RPRD2: variants seen among roughly 807,000 people sequenced by gnomAD.
RPRD2 encodes regulation of nuclear pre-mRNA domain-containing protein 2.
In RPRD2, 12 loss-of-function variants were observed where a neutral mutation model predicts 104.4. The ratio of observed to expected loss-of-function variants is 0.11; its 90% CI spans 0.07 to 0.19. The LOEUF (loss-of-function observed/expected upper bound fraction) is 0.19, where lower values mean the gene tolerates loss of function less well. Among genes scored for constraint, RPRD2 ranks in the 10% least tolerant of loss-of-function variants. The pLI, the probability that RPRD2 is intolerant of heterozygous loss-of-function variation, is 1.00. For synonymous variants in RPRD2, 714 were observed against 684.9 expected (o/e 1.04, Z -0.66); for missense variants, 1,543 against 1,790.1 (o/e 0.86, Z 2.49).
chr1:150,381,569 A>G (rs1283932216), intron 1 of RPRD2, among the ~76,000 whole-genome samples: 1 of 145,646 alleles, frequency 6.9e-6, no homozygotes, highest in Non-Finnish European at 1.5e-5. Context: ...CAGTGGCGTG[A>G]TCTCAGCTCA....
intron 1 of RPRD2, among the ~76,000 whole-genome samples, chr1:150,401,945 GTTTTTTTTTTTAAT>G (rs1663056412): frequency 7.3e-6 from 1 of 137,260 alleles, no homozygotes; most frequent in East Asian, 2.1e-4. Flanking sequence ...GCCCAGTGGG[GTTTTTTTTTTTAAT>G]TTTTTTTTTT....
intron 1 of RPRD2, among the ~76,000 whole-genome samples, chr1:150,404,351 A>G (rs1184039928): frequency 2.6e-5 from 4 of 151,822 alleles, no homozygotes; most frequent in African/African-American, 9.7e-5. Flanking sequence ...GGCTCAAGTG[A>G]TCCTCCCACC....
At chr1:150,448,192 G>T (rs1666923816) in intron 7 of RPRD2, among the ~76,000 whole-genome samples, 1 of 151,766 alleles carries the variant, frequency 6.6e-6, no homozygotes, top group Non-Finnish European at 1.5e-5. Context: ...TTTTGAGATG[G>T]AGTCTCGCTT....
chr1:150,371,948 A>G (rs1553878463), intron 1 of RPRD2, among the ~76,000 whole-genome samples: 1 of 152,064 alleles, frequency 6.6e-6, no homozygotes, highest in East Asian at 1.9e-4. Flanking sequence ...ACTATCTCTT[A>G]GTGATTTGAA....
At chr1:150,383,506 G>A (rs1029570329) in intron 1 of RPRD2, among the ~76,000 whole-genome samples, 4 of 151,646 alleles carry the variant, frequency 2.6e-5, no homozygotes, top group African/African-American at 7.3e-5. Flanking sequence ...TAGTACAGAC[G>A]GGGTTTTGCC....
chr1:150,450,093 A>C (rs1667051633), intron 7 of RPRD2, among the ~76,000 whole-genome samples: 1 of 152,186 alleles, frequency 6.6e-6, no homozygotes, highest in Non-Finnish European at 1.5e-5. Flanking sequence ...TCAGTTCTAG[A>C]ATTGCCACTG....
intron 1 of RPRD2, among the ~76,000 whole-genome samples, chr1:150,398,187 A>ATTTCTTTTAT (rs1553884594): frequency 1.5e-5 from 2 of 132,310 alleles, no homozygotes; most frequent in Non-Finnish European, 3.2e-5. Flanking sequence ...GTGTTTTTAT[A>ATTTCTTTTAT]TTTATTTTAT....
chr1:150,414,521 G>A (rs1664192965), intron 1 of RPRD2, among the ~76,000 whole-genome samples: 1 of 152,156 alleles, frequency 6.6e-6, no homozygotes, highest in African/African-American at 2.4e-5. Flanking sequence ...GATGATCACG[G>A]CCAGACTGGC....
intron 9 of RPRD2, among the ~76,000 whole-genome samples, chr1:150,463,392 G>A (rs1021938205): frequency 1.3e-5 from 2 of 152,092 alleles, no homozygotes; most frequent in Admixed American, 6.6e-5. Context: ...ATCCAAAAAA[G>A]TGCTATTTTA....
intron 2 of RPRD2, among the ~76,000 whole-genome samples, chr1:150,418,855 C>T (rs1477959072): frequency 6.6e-6 from 1 of 151,888 alleles, no homozygotes; most frequent in Non-Finnish European, 1.5e-5. Context: ...CTAAAAAATA[C>T]AAAAAAATTA....
At chr1:150,432,806 C>T (rs587745844) in intron 2 of RPRD2, among the ~76,000 whole-genome samples, 9 of 151,860 alleles carry the variant, frequency 5.9e-5, no homozygotes, top group African/African-American at 1.7e-4. Context: ...GGTGAGATTC[C>T]GTCTCTAAAA....
rs142691903 is a variant in RPRD2 at position 150,389,257 on chromosome 1, C to T, written c.205+24338C>T. On this transcript the variant is annotated intron_variant, in intron 1 of 10. Transcript: ENST00000369068. ...TAGCAACAGGGTTTCACCATGTTGC[C>T]CAGGCTTGTCTCAAACTCCTGAGCT... is the stretch of plus-strand genomic sequence containing the variant. Among the ~76,000 whole-genome samples, 851 of 152,110 alleles carry T rather than the reference C, an allele frequency of 5.6e-3. 5 individuals carry two copies. Among genetic ancestry groups the T allele is most frequent in the Middle Eastern group, 0.044 (13 of 294 alleles).
chr1:150,401,964 T>TAA (rs1553885520), intron 1 of RPRD2, among the ~76,000 whole-genome samples: 4 of 147,740 alleles, frequency 2.7e-5, no homozygotes, highest in African/African-American at 1.0e-4. Flanking sequence ...TTTAATTTTT[T>TAA]TTTTTTTAAT....
At chr1:150,406,682 C>T (rs368799922) in intron 1 of RPRD2, among the ~76,000 whole-genome samples, 10 of 152,114 alleles carry the variant, frequency 6.6e-5, no homozygotes, top group African/African-American at 2.4e-4. Flanking sequence ...TACAGGAATG[C>T]GCCACCACGC....
At chr1:150,441,690 A>G in intron 3 of RPRD2, 191 bp from the exon 4 acceptor site, 2 of 455,580 alleles carry the variant, frequency 4.4e-6, no homozygotes, top group Middle Eastern at 5.6e-4. Flanking sequence ...GATGATAAAA[A>G]TCGTGTTTAT....
Position 150,444,329 on chromosome 1 carries a change from A to C in RPRD2, c.646A>C (p.Thr216Pro). 6.2e-7 allele frequency: 1 copy of C among 1,613,936 alleles called. No individual in the cohort carries two copies. The highest frequency in any genetic ancestry group is 8.5e-7 in the Non-Finnish European group (1 of 1,179,834). ...AGAACTGAAGGAAAAGCAGTTGTCA[A>C]CTATGAGGGTGGATGTGTGCAGCAC... ...QIELKEKQLS[T>P]MRVDVCSTET... The change falls in exon 6 of 11, where the codon ACT becomes CCT. Residue 216 changes from threonine to proline, a missense_variant. This residue lies in a region of RPRD2 where 572 missense variants were observed against 787.3 expected (regional missense o/e 0.73). Coordinates refer to ENST00000369068, the MANE Select transcript of RPRD2 (RefSeq NM_015203.5).
At chr1:150,449,057 G>A (rs1412103906) in intron 7 of RPRD2, among the ~76,000 whole-genome samples, 1 of 152,150 alleles carries the variant, frequency 6.6e-6, no homozygotes, top group Non-Finnish European at 1.5e-5. Context: ...TTGAGGCCAG[G>A]AGTTCAAGAT....
intron 2 of RPRD2, among the ~76,000 whole-genome samples, chr1:150,436,130 GAAA>G (rs587754906): frequency 7.7e-6 from 1 of 129,654 alleles, no homozygotes; most frequent in African/African-American, 2.9e-5. Context: ...CTTGTTCAGG[GAAA>G]AAAAAAAAAA....
chr1:150,375,775 T>C (rs777280641), intron 1 of RPRD2, among the ~76,000 whole-genome samples: 220 of 152,316 alleles, frequency 1.4e-3, no homozygotes, highest in Non-Finnish European at 2.7e-3. Context: ...TGGTCAGTTG[T>C]TTTAAAATTT....
Sources: gnomAD v4.1 joint callset for allele counts (sites outside exome capture counted in the v4.1 genomes callset) on GRCh38, gnomAD v4.1.1 for gene constraint, gnomAD v4.1.1 regional missense constraint, MANE v1.5 for transcripts, NCBI Gene and HGNC (gene_info 2026-07-23, HGNC 2026-07-21) for gene names.